RMDN2: variants seen among roughly 807,000 people sequenced by gnomAD.
The protein encoded by RMDN2 is regulator of microtubule dynamics 2.
RMDN2 carries 61 observed loss-of-function variants against 52.8 expected under a neutral mutation model. The ratio of observed to expected loss-of-function variants is 1.16; its 90% confidence interval spans 0.94 to 1.43. The LOEUF is 1.43. RMDN2 is among the 40% of genes most tolerant of loss of function. The pLI is 0.00. For missense variants in RMDN2, 592 were observed against 475.3 expected (o/e 1.25, Z -2.28); for synonymous variants, 180 against 153.1 (o/e 1.18, Z -1.30).
chr2:38,017,921 C>T (rs567769935), downstream of RMDN2, among the ~76,000 whole-genome samples: 29 of 151,952 alleles, frequency 1.9e-4, no homozygotes, highest in Middle Eastern at 3.4e-3. Flanking sequence ...GTCAAAGGGC[C>T]TTGTTCTCTG....
At chr2:38,048,375 C>G (rs911782226) in intron 10 of RMDN2, among the ~76,000 whole-genome samples, 5 of 152,172 alleles carry the variant, frequency 3.3e-5, no homozygotes, top group African/African-American at 1.2e-4. Context: ...TTGGGCAGGA[C>G]TTTACAAATT....
intron 4 of RMDN2, among the ~76,000 whole-genome samples, chr2:37,976,070 C>T (rs1332063348): frequency 2.0e-5 from 3 of 152,162 alleles, no homozygotes; most frequent in East Asian, 1.9e-4. Flanking sequence ...AGAATAAACT[C>T]GCAGACTTTA....
In RMDN2 at chr2:37,929,434, A is replaced by T; in HGVS notation, c.157A>T (p.Thr53Ser). ...LSLGNTFNSI[T>S]LQDEIHDDQG... is the part of the protein sequence containing the mutation. The stretch of plus-strand genomic sequence containing the variant: ...TCTGGGTAATACATTTAATTCAATA[A>T]CTTTGCAAGATGAAATACATGATGA... The change falls in exon 2 of 11, where the codon ACT becomes TCT. Residue 53 changes from threonine (T) to serine (S), a missense_variant. Coordinates refer to ENST00000354545, the MANE Select transcript of RMDN2 (RefSeq NM_001170791.3). 1 of 1,551,698 alleles carries T rather than the reference A, an allele frequency of 6.4e-7. No individual in the cohort carries two copies.
intron 2 of RMDN2, 48 bp from the exon 3 acceptor site, chr2:37,973,992 A>G (rs1251486663): frequency 4.2e-5 from 60 of 1,427,802 alleles, no homozygotes; most frequent in Middle Eastern, 1.8e-4. Flanking sequence ...TGCTCTGGCT[A>G]TTATACTTAA....
Position 37,944,721 on chromosome 2 carries a change from A to G in RMDN2, c.452+14992A>G, listed in dbSNP as rs190165552. 1.6e-4 allele frequency among the ~76,000 whole-genome samples: 25 copies of G among 152,326 alleles called. No individual in the cohort carries two copies. The East Asian group carries it at 4.4e-3, about 27-fold the overall frequency. ...GAGAGGTAAATATGTGGACACCAGAAGAGTAGACACTTATTTCAAGGAACT... is the reference window on the plus strand; with the variant it reads ...GAGAGGTAAATATGTGGACACCAGAGGAGTAGACACTTATTTCAAGGAACT... On this transcript the variant is annotated intron_variant, in intron 2 of 10. Coordinates refer to ENST00000354545, the MANE Select transcript of RMDN2 (RefSeq NM_001170791.3).
chr2:38,062,988 G>A (rs1392463704), intron 10 of RMDN2, among the ~76,000 whole-genome samples: 2 of 152,096 alleles, frequency 1.3e-5, no homozygotes, highest in East Asian at 3.8e-4. Flanking sequence ...TGGTGTATAT[G>A]TGCCATATTT....
At chr2:37,924,077 G>A (rs185971957), upstream of RMDN2, among the ~76,000 whole-genome samples, 177 of 152,180 alleles carry the variant, frequency 1.2e-3, 2 homozygotes, top group South Asian at 0.03. Context: ...AAATGACCAT[G>A]GCCAGGCTTA....
chr2:38,011,848 G>T (rs1383505819), intron 10 of RMDN2, among the ~76,000 whole-genome samples: 4 of 152,148 alleles, frequency 2.6e-5, no homozygotes, highest in Admixed American at 2.0e-4. Flanking sequence ...GGAGCAAAAG[G>T]AATGTGCCCA....
chr2:37,945,964 A>G (rs1307227706), intron 2 of RMDN2, among the ~76,000 whole-genome samples: 1 of 152,170 alleles, frequency 6.6e-6, no homozygotes, highest in Non-Finnish European at 1.5e-5. Context: ...TTGACCTCTC[A>G]AGGTGAATAC....
chr2:37,927,569 A>G (rs1055620533), intron 1 of RMDN2, among the ~76,000 whole-genome samples: 1 of 152,228 alleles, frequency 6.6e-6, no homozygotes, highest in Non-Finnish European at 1.5e-5. Flanking sequence ...AAACTAGGCT[A>G]TATTTCTTAA....
rs115047973 is a variant in RMDN2 at position 37,944,209 on chromosome 2, G to T, written c.452+14480G>T. Among the ~76,000 whole-genome samples, 632 of 151,870 alleles carry T rather than the reference G, an allele frequency of 4.2e-3. 6 individuals are homozygous for T. The highest frequency in any genetic ancestry group is 0.014 in the African/African-American group (591 of 41,378). ...GTTGTTTTTGCATGATGTATGTAGT[G>T]TCTCATAACTGGAGTTTGCTTTAGT... On this transcript the variant is annotated intron_variant, in intron 2 of 10. Transcript: ENST00000354545.
chr2:38,009,967 G>A (rs570875003), intron 10 of RMDN2, among the ~76,000 whole-genome samples: 1 of 152,294 alleles, frequency 6.6e-6, no homozygotes, highest in South Asian at 2.1e-4. Flanking sequence ...GGAGTTTGCT[G>A]GAGGTCCACT....
At chr2:37,971,601 C>T (rs955492336) in intron 2 of RMDN2, among the ~76,000 whole-genome samples, 2 of 151,640 alleles carry the variant, frequency 1.3e-5, no homozygotes, top group African/African-American at 4.9e-5. Context: ...ACAATTTTTC[C>T]CATCTGAATG....
At chr2:38,036,465 C>T (rs1348965211) in intron 10 of RMDN2, 1 of 152,184 alleles carries the variant, frequency 6.6e-6, no homozygotes, top group African/African-American at 2.4e-5. Flanking sequence ...ATGATATGGA[C>T]TCCAGGATAG....
chr2:38,021,939 G>A (rs1349837170), downstream of RMDN2, among the ~76,000 whole-genome samples: 1 of 152,216 alleles, frequency 6.6e-6, no homozygotes, highest in Non-Finnish European at 1.5e-5. Flanking sequence ...TGCTATAGAG[G>A]ATACATAGGA....
intron 2 of RMDN2, chr2:37,951,238 G>T (rs1207802569): frequency 1.3e-6 from 2 of 1,579,766 alleles, no homozygotes; most frequent in East Asian, 4.5e-5. Flanking sequence ...CTTAGCTGCT[G>T]CAAAGAGGAC....
At chr2:38,050,276 TGCCTCATCC>T (rs1257855535) in intron 10 of RMDN2, among the ~76,000 whole-genome samples, 1 of 151,978 alleles carries the variant, frequency 6.6e-6, no homozygotes, top group African/African-American at 2.4e-5. Context: ...TTATTTACCC[TGCCTCATCC>T]TTTTCTGTCT....
upstream of RMDN2, chr2:37,925,209 T>G (rs1666165740): frequency 6.6e-6 from 1 of 151,758 alleles, no homozygotes; most frequent in African/African-American, 2.4e-5. Flanking sequence ...CCCGGTAGAG[T>G]TGAACCCACC....
intron 10 of RMDN2, among the ~76,000 whole-genome samples, chr2:38,023,816 T>G (rs776035838): frequency 3.3e-5 from 5 of 151,856 alleles, no homozygotes; most frequent in Non-Finnish European, 7.4e-5. Context: ...AAACTGCATG[T>G]ATTTAAAGTG....
Sources: allele counts gnomAD v4.1 joint callset (sites outside exome capture counted in the v4.1 genomes callset), GRCh38; gene constraint gnomAD v4.1.1; transcripts MANE v1.5; gene names NCBI Gene and HGNC (gene_info 2026-07-23, HGNC 2026-07-21).